Variants in GALNT17 observed in about 807,000 individuals in gnomAD.
The protein encoded by GALNT17 is UDP-GalNAc:polypeptide N-acetylgalactosaminyltransferase-like 3.
A neutral mutation model predicts 63.7 loss-of-function variants in GALNT17; 29 were observed. That is an observed-to-expected ratio of 0.46 (90% CI 0.34 to 0.62). GALNT17 has a LOEUF of 0.62. Ranked by LOEUF, GALNT17 falls within the 20% of genes least tolerant of loss-of-function variation. The pLI is 0.01. For synonymous variants in GALNT17, 305 were observed against 318.3 expected, an observed-to-expected ratio of 0.96 and a Z score of 0.45; for missense variants, 603 against 799.6, an observed-to-expected ratio of 0.75 and a Z score of 2.97.
intron 2 of GALNT17, among the ~76,000 whole-genome samples, chr7:71,384,666 C>T (rs774657271): frequency 2.0e-5 from 3 of 152,074 alleles, no homozygotes; most frequent in Non-Finnish European, 4.4e-5. Context: ...GGAATTAGCC[C>T]GGTAGGAATT....
chr7:71,365,017 G>T (rs1012685819), intron 2 of GALNT17, among the ~76,000 whole-genome samples: 3 of 152,012 alleles, frequency 2.0e-5, no homozygotes, highest in Non-Finnish European at 2.9e-5. Flanking sequence ...TGCAACCTCT[G>T]CCTCCTGGGT....
chr7:71,403,501 A>G (rs1289394506), intron 3 of GALNT17, among the ~76,000 whole-genome samples: 3 of 152,220 alleles, frequency 2.0e-5, no homozygotes, highest in Admixed American at 6.5e-5. Context: ...TAGAAGAAAC[A>G]TGTTAGGTTC....
chr7:71,153,898 ACT>A (rs1788180043), intron 1 of GALNT17, among the ~76,000 whole-genome samples: 1 of 151,730 alleles, frequency 6.6e-6, no homozygotes, highest in East Asian at 1.9e-4. Flanking sequence ...ACAAAGGGAG[ACT>A]CTGTCTCAAA....
chr7:71,547,255 C>T lies in GALNT17; in HGVS notation c.963-24030C>T, dbSNP rs138436065. On this transcript the variant is annotated intron_variant, in intron 5 of 10. Coordinates refer to ENST00000333538, the MANE Select transcript of GALNT17 (RefSeq NM_022479.3). ...TCTTGGCTCACTGCAACCTCTCCCT[C>T]CCGAGTTCAAGCAGTTCTCCTGCCT... Among the ~76,000 whole-genome samples the T allele has an allele frequency of 1.5e-3, 222 of 152,166 alleles. 1 individual carries two copies. Among genetic ancestry groups the T allele is most frequent in the African/African-American group, 5.2e-3 (217 of 41,544 alleles).
At chr7:71,297,168 T>C (rs1378311636) in intron 1 of GALNT17, among the ~76,000 whole-genome samples, 3 of 152,206 alleles carry the variant, frequency 2.0e-5, no homozygotes, top group Admixed American at 6.5e-5. Context: ...CTCTCACTCT[T>C]GGCACATGGT....
intron 2 of GALNT17, among the ~76,000 whole-genome samples, chr7:71,351,630 A>G (rs139600126): frequency 3.8e-4 from 58 of 152,218 alleles, no homozygotes; most frequent in African/African-American, 1.3e-3. Context: ...AGTGCTGGGA[A>G]TTGCCAGCAA....
At chr7:71,414,465 C>T (rs572185450) in intron 3 of GALNT17, among the ~76,000 whole-genome samples, 12 of 152,152 alleles carry the variant, frequency 7.9e-5, no homozygotes, top group Non-Finnish European at 1.8e-4. Flanking sequence ...TATCCTTTTA[C>T]TCCTTTAATA....
At chr7:71,298,108 C>T (rs1271550054) in intron 1 of GALNT17, among the ~76,000 whole-genome samples, 1 of 152,214 alleles carries the variant, frequency 6.6e-6, no homozygotes, top group Non-Finnish European at 1.5e-5. Context: ...GCAACCTCCG[C>T]CTCCCAAGCT....
chr7:71,486,389 A>G (rs987813038), intron 5 of GALNT17, among the ~76,000 whole-genome samples: 3 of 143,032 alleles, frequency 2.1e-5, no homozygotes, highest in South Asian at 2.2e-4. Flanking sequence ...TAATAATAAT[A>G]GTAAATAATA....
chr7:71,243,246 C>T (rs866546780), intron 1 of GALNT17, among the ~76,000 whole-genome samples: 2 of 152,268 alleles, frequency 1.3e-5, no homozygotes, highest in Non-Finnish European at 2.9e-5. Flanking sequence ...TTGTAAGTTT[C>T]CTGAGGCCTC....
intron 1 of GALNT17, among the ~76,000 whole-genome samples, chr7:71,280,148 G>A (rs1203563236): frequency 6.6e-6 from 1 of 152,170 alleles, no homozygotes; most frequent in Non-Finnish European, 1.5e-5. Flanking sequence ...GTATTGGAGG[G>A]AGGGAGGTCT....
chr7:71,195,991 T>C (rs1281194142), intron 1 of GALNT17, among the ~76,000 whole-genome samples: 1 of 152,162 alleles, frequency 6.6e-6, no homozygotes, highest in Non-Finnish European at 1.5e-5. Context: ...TCTCATGTGT[T>C]GTCAGAACTC....
intron 2 of GALNT17, among the ~76,000 whole-genome samples, chr7:71,345,789 A>G (rs1792080152): frequency 6.6e-6 from 1 of 152,160 alleles, no homozygotes; most frequent in African/African-American, 2.4e-5. Context: ...TGATTATAGT[A>G]GCTGCAGTGG....
intron 6 of GALNT17, among the ~76,000 whole-genome samples, chr7:71,636,730 G>A (rs1373459701): frequency 2.0e-5 from 3 of 152,174 alleles, no homozygotes; most frequent in African/African-American, 7.2e-5. Context: ...CTGTGTGCCT[G>A]TACATTTTTC....
chr7:71,280,319 G>T (rs149576835), intron 1 of GALNT17, among the ~76,000 whole-genome samples: 18 of 152,280 alleles, frequency 1.2e-4, no homozygotes, highest in African/African-American at 4.1e-4. Context: ...CCATCTGACT[G>T]CGTTGGAAAC....
At chr7:71,438,408 G>A (rs1263361673) in intron 5 of GALNT17, among the ~76,000 whole-genome samples, 2 of 152,144 alleles carry the variant, frequency 1.3e-5, no homozygotes, top group Non-Finnish European at 2.9e-5. Flanking sequence ...TTAAGGGTGA[G>A]TCTGCCTTTC....
chr7:71,404,615 C>G (rs1210807151), intron 3 of GALNT17, among the ~76,000 whole-genome samples: 1 of 152,234 alleles, frequency 6.6e-6, no homozygotes, highest in East Asian at 1.9e-4. Context: ...CTCACCATGG[C>G]TATTCTTCAA....
intron 5 of GALNT17, among the ~76,000 whole-genome samples, chr7:71,494,219 A>G (rs983577731): frequency 7.2e-5 from 11 of 152,146 alleles, no homozygotes; most frequent in Non-Finnish European, 1.5e-4. Context: ...AAACCATCAT[A>G]TCACATGAAA....
intron 3 of GALNT17, among the ~76,000 whole-genome samples, chr7:71,414,247 GTAAAAATAAA>G (rs1793484529): frequency 6.6e-6 from 1 of 151,922 alleles, no homozygotes; most frequent in African/African-American, 2.4e-5. Context: ...GTCTCAAAAC[GTAAAAATAAA>G]TAAAAATAAA....
Sources: allele counts gnomAD v4.1 joint callset (sites outside exome capture counted in the v4.1 genomes callset), GRCh38; gene constraint gnomAD v4.1.1; transcripts MANE v1.5; gene names NCBI Gene and HGNC (gene_info 2026-07-23, HGNC 2026-07-21).